Variants in SBK1 observed in about 807,000 individuals in gnomAD.
SBK1 encodes the protein SH3 domain binding kinase 1.
SBK1 carries 11 observed loss-of-function variants against 24.4 expected under a neutral mutation model. The observed-to-expected ratio is 0.45, with a 90% CI of 0.28 to 0.75. The LOEUF (loss-of-function observed/expected upper bound fraction) is 0.75, where lower values mean the gene tolerates loss of function less well. Among genes scored for constraint, SBK1 ranks in the 30% least tolerant of loss-of-function variants. SBK1 has a pLI of 0.12. For synonymous variants in SBK1, 308 were observed against 284.4 expected, an observed-to-expected ratio of 1.08 and a Z score of -0.83; for missense variants, 467 against 620.5, an observed-to-expected ratio of 0.75 and a Z score of 2.63.
At chr16:28,272,615 CTTTCTTTT>C (rs1180683176) in intron 1 of SBK1, among the ~76,000 whole-genome samples, 1 of 124,884 alleles carries the variant, frequency 8.0e-6, no homozygotes, top group African/African-American at 2.9e-5. Flanking sequence ...TTCTTTCTTT[CTTTCTTTT>C]TTTTTTTTTT....
upstream of SBK1, among the ~76,000 whole-genome samples, chr16:28,288,213 T>C (rs1370007487): frequency 2.0e-5 from 3 of 152,144 alleles, no homozygotes; most frequent in Non-Finnish European, 4.4e-5. Flanking sequence ...AAGCTGCCTG[T>C]TCGAGGAGTC....
At chr16:28,313,051 AC>A (rs1007175058) in intron 1 of SBK1, among the ~76,000 whole-genome samples, 52 of 152,272 alleles carry the variant, frequency 3.4e-4, no homozygotes, top group African/African-American at 1.2e-3. Flanking sequence ...AATCGCTTGA[AC>A]CCAGAAGGCA....
intron 1 of SBK1, among the ~76,000 whole-genome samples, chr16:28,271,430 G>A (rs1021547171): frequency 1.2e-4 from 18 of 152,006 alleles, no homozygotes; most frequent in Admixed American, 2.6e-4. Context: ...GGTGGCACAC[G>A]CCTGTAATCT....
At chr16:28,265,940 C>T (rs138309118) in intron 1 of SBK1, among the ~76,000 whole-genome samples, 71 of 147,494 alleles carry the variant, frequency 4.8e-4, no homozygotes, top group Non-Finnish European at 9.3e-4. Flanking sequence ...TACCACTGCA[C>T]AGAGTGAGAC....
chr16:28,292,740 G>A lies in SBK1; in HGVS notation c.-568G>A. The A allele has an allele frequency of 3.0e-6, 3 of 984,994 alleles. No homozygotes were observed. Among genetic ancestry groups the A allele is most frequent in the Non-Finnish European group, 2.4e-6 (2 of 829,594 alleles). 61.0% of individuals were successfully genotyped at this position (984,994 alleles called of 1,614,324 possible). A position where few individuals can be genotyped will look rare whatever the true frequency, so the allele number is the denominator to read the frequency against. On this transcript the variant is annotated 5_prime_UTR_variant, in exon 1 of 4. Coordinates refer to ENST00000341901, the MANE Select transcript of SBK1 (RefSeq NM_001024401.3). ...GACCCACTAAAGCCCCCGCAGCCGAGGAGTGCGGGGAGCCCCCTTCCACAT... is the reference window on the plus strand; with the variant it reads ...GACCCACTAAAGCCCCCGCAGCCGAAGAGTGCGGGGAGCCCCCTTCCACAT...
chr16:28,320,352 G>A lies in SBK1; in HGVS notation c.706G>A (p.Val236Met). ...GCTGGCGGTGGACACGGGCGTGGAC[G>A]TGTGGGCCTTCGGCGTGCTCATCTT... is the stretch of plus-strand genomic sequence containing the variant. ...DGLAVDTGVD[V>M]WAFGVLIFCV... Residue 236 changes from valine (V) to methionine (M), a missense_variant, in exon 4 of 4, where the codon GTG (valine) becomes ATG (methionine). Val to Met is a conservative substitution (Grantham distance 21). Around this residue, in one of 4 missense-constraint regions of SBK1, gnomAD observed 92 missense variants for 193.8 expected, o/e 0.47. Coordinates refer to ENST00000341901, the MANE Select transcript of SBK1 (RefSeq NM_001024401.3). The surrounding 1 kb of genome is among the most constrained non-coding windows in gnomAD (Gnocchi z 8.5). 6.3e-7 allele frequency: 1 copy of A among 1,593,486 alleles called. No individual in the cohort carries two copies. Among genetic ancestry groups the A allele is most frequent in the Non-Finnish European group, 8.5e-7 (1 of 1,176,342 alleles).
intron 1 of SBK1, among the ~76,000 whole-genome samples, chr16:28,312,923 C>T (rs918082525): frequency 2.6e-5 from 4 of 152,154 alleles, no homozygotes; most frequent in African/African-American, 7.2e-5. Flanking sequence ...CACCTGAGGT[C>T]GGGAGTTCGA....
At chr16:28,283,220 C>T (rs539911384) in intron 1 of SBK1, among the ~76,000 whole-genome samples, 25 of 152,192 alleles carry the variant, frequency 1.6e-4, no homozygotes, top group Non-Finnish European at 2.5e-4. Flanking sequence ...TATGAGCCAC[C>T]GCGCCCGACC....
In SBK1 at chr16:28,314,115, A is replaced by G. The variant is rs925720433; in HGVS notation, c.-7-3270A>G. ...ACCCTCGCAAGAACGCATCGGGAGA[A>G]GGCACTGTTGTTGTTGTTGTTGTCG... On this transcript the variant is annotated intron_variant, in intron 1 of 3. Transcript: ENST00000341901. Among the ~76,000 whole-genome samples, 11 of 150,378 alleles carry G rather than the reference A, an allele frequency of 7.3e-5. No homozygotes were observed. The Admixed American group carries it at 7.4e-4, about 10-fold the overall frequency.
intron 1 of SBK1, among the ~76,000 whole-genome samples, chr16:28,272,594 AT>A (rs1214836655): frequency 7.1e-5 from 8 of 113,132 alleles, no homozygotes; most frequent in African/African-American, 1.4e-4. Flanking sequence ...GTTGTCACAT[AT>A]TTTTTTTCTT....
chr16:28,278,995 G>A (rs2044512111), intron 1 of SBK1, among the ~76,000 whole-genome samples: 1 of 152,180 alleles, frequency 6.6e-6, no homozygotes, highest in Non-Finnish European at 1.5e-5. Context: ...GGAGGCCAAG[G>A]CGGGTGGATC....
At chr16:28,306,606 A>G (rs2044718212) in intron 1 of SBK1, among the ~76,000 whole-genome samples, 1 of 152,180 alleles carries the variant, frequency 6.6e-6, no homozygotes, top group Admixed American at 6.5e-5. Flanking sequence ...CAGGGCTCCA[A>G]CATTTCCAAG....
Position 28,259,436 on chromosome 16 carries a change from C to A in SBK1, c.191C>A (p.Ala64Asp). ...GGCTGCGGAGTCGATGATGTGCCGGCCTTCTGCTTCGTCTGCTTCCACAGG... is the reference window on the plus strand; with the variant it reads ...GGCTGCGGAGTCGATGATGTGCCGGACTTCTGCTTCGTCTGCTTCCACAGG... The change falls in exon 1 of 4, where the codon GCC becomes GAC. Residue 64 changes from alanine (A) to aspartate (D), a missense_variant. Transcript: ENST00000671413. The surrounding 1 kb of genome is among the most constrained non-coding windows in gnomAD (Gnocchi z 6.0). The A allele has an allele frequency of 3.0e-6, 3 of 986,012 alleles. No individual in the cohort carries two copies. The highest frequency in any genetic ancestry group is 3.6e-6 in the Non-Finnish European group (3 of 830,406). The allele number at this position is 986,012 out of a possible 1,614,324, so 61.1% of individuals were successfully genotyped here.
At chr16:28,306,807 G>A (rs952429226) in intron 1 of SBK1, among the ~76,000 whole-genome samples, 1 of 152,200 alleles carries the variant, frequency 6.6e-6, no homozygotes, top group Non-Finnish European at 1.5e-5. Context: ...AATTCTCTAC[G>A]TGTTTGGGAA....
chr16:28,296,749 A>C (rs1455162009), intron 1 of SBK1, among the ~76,000 whole-genome samples: 1 of 152,142 alleles, frequency 6.6e-6, no homozygotes, highest in Non-Finnish European at 1.5e-5. Context: ...AGTGACATCC[A>C]GCAACCAAAA....
At position 28,317,869 on chromosome 16, in the gene SBK1, T is replaced by C. The variant is rs1268427344; in HGVS notation, c.226+252T>C. Among the ~76,000 whole-genome samples, 1 of 151,720 alleles carries C rather than the reference T, an allele frequency of 6.6e-6. No homozygotes were observed. Among genetic ancestry groups the C allele is most frequent in the African/African-American group, 2.4e-5 (1 of 41,264 alleles). On this transcript the variant is annotated intron_variant, in intron 2 of 3. Coordinates refer to ENST00000341901, the MANE Select transcript of SBK1 (RefSeq NM_001024401.3). This position sits in a 1 kb window ranked among gnomAD's most constrained non-coding sequence, Gnocchi z 4.2. Reference sequence around the variant, plus strand: ...TACAGGATGGGCTGCTGTGGGGCCATCTGGGGTGACTTTGAGACAGCCAAG... The same window carrying C: ...TACAGGATGGGCTGCTGTGGGGCCACCTGGGGTGACTTTGAGACAGCCAAG...
intron 1 of SBK1, among the ~76,000 whole-genome samples, chr16:28,261,877 C>A (rs188431961): frequency 6.6e-6 from 1 of 152,144 alleles, no homozygotes; most frequent in African/African-American, 2.4e-5. Flanking sequence ...CCTTCATCTC[C>A]CACCTCTGAT....
intron 1 of SBK1, among the ~76,000 whole-genome samples, chr16:28,282,918 TATTTA>T (rs1451324278): frequency 6.6e-6 from 1 of 150,496 alleles, no homozygotes; most frequent in Non-Finnish European, 1.5e-5. Flanking sequence ...TTTATTTATT[TATTTA>T]TTTATTTGTT....
Position 28,320,630 on chromosome 16 carries a change from C to A in SBK1, c.984C>A (p.Arg328=), listed in dbSNP as rs1360510924. ...AGCTGCGCCGCCGGCCCTCGCACCG[C>A]GCGCGCAAGCCCCCCGGGGACCGCC... is the stretch of plus-strand genomic sequence containing the variant. ...TSELRRRPSH[R]ARKPPGDRPP... Residue 328 remains arginine, a synonymous_variant, in exon 4 of 4, where the codon CGC becomes CGA. Transcript: ENST00000341901. This position sits in a 1 kb window ranked among gnomAD's most constrained non-coding sequence, Gnocchi z 8.5. 8.0e-6 allele frequency: 10 copies of A among 1,249,210 alleles called. No homozygotes were observed. The highest frequency in any genetic ancestry group is 2.3e-5 in the South Asian group (1 of 42,666). The allele number at this position is 1,249,210 out of a possible 1,614,324, so 77.4% of individuals were successfully genotyped here.
Sources: allele counts gnomAD v4.1 joint callset (sites outside exome capture counted in the v4.1 genomes callset), GRCh38; gene constraint gnomAD v4.1.1; regional missense constraint gnomAD v4.1.1; non-coding constraint Gnocchi (gnomAD v3.1); transcripts MANE v1.5; gene names NCBI Gene and HGNC (gene_info 2026-07-23, HGNC 2026-07-21).